Variants in SCHIP1 observed in about 807,000 individuals in gnomAD.
The protein encoded by SCHIP1 is schwannomin interacting protein 1.
In SCHIP1, 8 loss-of-function variants were observed where a neutral mutation model predicts 29.7. The ratio of observed to expected loss-of-function variants is 0.27; its 90% CI spans 0.16 to 0.49. The LOEUF (loss-of-function observed/expected upper bound fraction) is 0.49, where lower values mean the gene tolerates loss of function less well. Ranked by LOEUF, SCHIP1 falls within the 20% of genes least tolerant of loss-of-function variation. SCHIP1 has a pLI of 0.99. For synonymous variants in SCHIP1, 76 were observed against 94.9 expected, an observed-to-expected ratio of 0.80 and a Z score of 1.16; for missense variants, 193 against 294.6, an observed-to-expected ratio of 0.66 and a Z score of 2.52.
chr3:159,494,654 C>T, the SCHIP1 span, among the ~76,000 whole-genome samples: 1 of 152,148 alleles, frequency 6.6e-6, no homozygotes, highest in African/African-American at 2.4e-5. Context: ...GATGGATTCA[C>T]AGCTGAATTC....
the SCHIP1 span, among the ~76,000 whole-genome samples, chr3:159,644,617 G>A: frequency 6.6e-6 from 1 of 152,046 alleles, no homozygotes; most frequent in African/African-American, 2.4e-5. Flanking sequence ...CAATAAGCAG[G>A]ACCATAAAAG....
At chr3:159,886,410 C>A in intron 3 of SCHIP1, 86 bp downstream of exon 4, 1 of 1,240,398 alleles carries the variant, frequency 8.1e-7, no homozygotes, top group Non-Finnish European at 1.1e-6. Flanking sequence ...GAATCAGGAA[C>A]AAACATTTCA....
At chr3:159,534,954 C>T in the SCHIP1 span, among the ~76,000 whole-genome samples, 83 of 152,248 alleles carry the variant, frequency 5.5e-4, no homozygotes, top group African/African-American at 1.9e-3. Flanking sequence ...CCAATTCTCC[C>T]TTTCGTAAGA....
At chr3:159,763,391 G>A in the SCHIP1 span, among the ~76,000 whole-genome samples, 1 of 152,128 alleles carries the variant, frequency 6.6e-6, no homozygotes, top group African/African-American at 2.4e-5. Context: ...TGGCTTCGGC[G>A]GGGTAACGAG....
At chr3:159,326,481 T>A in the SCHIP1 span, among the ~76,000 whole-genome samples, 4 of 151,762 alleles carry the variant, frequency 2.6e-5, no homozygotes, top group Non-Finnish European at 5.9e-5. Flanking sequence ...GACTGAATTA[T>A]CTCTTTTTGC....
chr3:159,876,485 T>C (rs935748927), intron 2 of SCHIP1, among the ~76,000 whole-genome samples: 2 of 152,192 alleles, frequency 1.3e-5, no homozygotes, highest in African/African-American at 4.8e-5. Flanking sequence ...AGCAAAGCAC[T>C]CAGAAGAGTG....
the SCHIP1 span, among the ~76,000 whole-genome samples, chr3:159,639,759 G>A: frequency 2.0e-5 from 3 of 152,130 alleles, no homozygotes; most frequent in Admixed American, 6.6e-5. Flanking sequence ...GAAGGTAATG[G>A]GGTGTACAGA....
At chr3:159,849,073 G>C (rs1712225562) in intron 1 of SCHIP1, among the ~76,000 whole-genome samples, 1 of 152,212 alleles carries the variant, frequency 6.6e-6, no homozygotes, top group African/African-American at 2.4e-5. Flanking sequence ...AAAGGAGCTA[G>C]CAGGTAGAGG....
the SCHIP1 span, among the ~76,000 whole-genome samples, chr3:159,658,972 T>A: frequency 1.3e-5 from 2 of 152,328 alleles, no homozygotes; most frequent in African/African-American, 4.8e-5. Context: ...TATACCAACA[T>A]GTGTACCTGT....
At chr3:159,683,591 T>A in the SCHIP1 span, among the ~76,000 whole-genome samples, 1 of 152,198 alleles carries the variant, frequency 6.6e-6, no homozygotes. Context: ...GTCTTTCCAA[T>A]GCCATCTCAC....
At chr3:159,489,102 T>C in the SCHIP1 span, among the ~76,000 whole-genome samples, 1 of 152,242 alleles carries the variant, frequency 6.6e-6, no homozygotes, top group East Asian at 1.9e-4. Flanking sequence ...CAAATTTTGA[T>C]TAAGTGATAA....
At chr3:159,888,335 A>G (rs1414675087) in intron 4 of SCHIP1, 6 of 222,190 alleles carry the variant, frequency 2.7e-5, no homozygotes, top group Non-Finnish European at 5.4e-5. Context: ...TTGACCTGCT[A>G]TGAAGTTCTA....
chr3:159,412,772 G>A, the SCHIP1 span, among the ~76,000 whole-genome samples: 61 of 152,106 alleles, frequency 4.0e-4, no homozygotes, highest in Non-Finnish European at 7.3e-4. Flanking sequence ...GGCCCTGCAG[G>A]AAAGCAGTTC....
chr3:159,507,557 G>T, the SCHIP1 span, among the ~76,000 whole-genome samples: 164 of 152,242 alleles, frequency 1.1e-3, 1 homozygote, highest in African/African-American at 3.8e-3. Flanking sequence ...TTTTCAAAGG[G>T]AATGCTTCCA....
chr3:159,408,408 A>AC, the SCHIP1 span, among the ~76,000 whole-genome samples: 1 of 151,736 alleles, frequency 6.6e-6, no homozygotes. Context: ...GATAAAAAAA[A>AC]AAGGACAAAA....
At chr3:159,488,303 G>A in the SCHIP1 span, among the ~76,000 whole-genome samples, 1 of 152,052 alleles carries the variant, frequency 6.6e-6, no homozygotes, top group Admixed American at 6.5e-5. Flanking sequence ...ATAATTTATT[G>A]TACATTTTAA....
chr3:159,769,601 T>C, the SCHIP1 span, among the ~76,000 whole-genome samples: 1 of 152,022 alleles, frequency 6.6e-6, no homozygotes, highest in South Asian at 2.1e-4. Flanking sequence ...AATACAAAAA[T>C]TAGCCGGGCA....
chr3:159,538,362 T>C, the SCHIP1 span, among the ~76,000 whole-genome samples: 3 of 152,192 alleles, frequency 2.0e-5, no homozygotes, highest in African/African-American at 7.2e-5. Flanking sequence ...CCTTGTTATT[T>C]TCCTTACTTA....
At chr3:159,490,247 C>T in the SCHIP1 span, among the ~76,000 whole-genome samples, 4 of 152,114 alleles carry the variant, frequency 2.6e-5, no homozygotes, top group Non-Finnish European at 4.4e-5. Context: ...CATTTCATGT[C>T]CTCTCTTAGT....
Sources: allele counts gnomAD v4.1 joint callset (sites outside exome capture counted in the v4.1 genomes callset), GRCh38; gene constraint gnomAD v4.1.1; transcripts MANE v1.5; gene names NCBI Gene and HGNC (gene_info 2026-07-23, HGNC 2026-07-21).